The following PWP1 variants were observed in gnomAD, a reference collection of about 807,000 sequenced individuals.
PWP1 encodes PWP1 homolog, endonuclein.
Under a neutral mutation model 69.9 loss-of-function variants are expected in PWP1, and 47 were observed. The observed-to-expected ratio is 0.67, with a 90% CI of 0.53 to 0.86. The LOEUF (loss-of-function observed/expected upper bound fraction) is 0.86. Among genes scored for constraint, PWP1 ranks in the 40% least tolerant of loss-of-function variants. PWP1 has a pLI of 0.00. For missense variants in PWP1, 551 were observed against 608.8 expected (o/e 0.91, Z 1.00); for synonymous variants, 222 against 208.2 (o/e 1.07, Z -0.57).
intron 11 of PWP1, among the ~76,000 whole-genome samples, chr12:107,708,106 C>A (rs1889864137): frequency 6.6e-6 from 1 of 152,186 alleles, no homozygotes; most frequent in Non-Finnish European, 1.5e-5. Flanking sequence ...TCCAGTTGTA[C>A]TTGAATGTTG....
intron 14 of PWP1, 129 bp from the exon 15 acceptor site, chr12:107,711,982 C>CTTCTGA: frequency 6.1e-6 from 4 of 657,878 alleles, no homozygotes; most frequent in Non-Finnish European, 1.0e-5. Flanking sequence ...TTAACTTGGA[C>CTTCTGA]TTCTGAGTTG....
chr12:107,703,651 C>G, intron 9 of PWP1, 34 bp from the exon 10 acceptor site: 1 of 1,554,338 alleles, frequency 6.4e-7, no homozygotes. Context: ...AGCAAACCAA[C>G]AGAGATCTCT....
chr12:107,706,214 T>C lies in PWP1; in HGVS notation c.1077+1467T>C, dbSNP rs1296171936. Reference sequence around the variant, plus strand: ...ATGTCTTCTTTTGAGAAGTGTCTATTCATATCCTTCGCCCACTTTTTGATG... The same window carrying C: ...ATGTCTTCTTTTGAGAAGTGTCTATCCATATCCTTCGCCCACTTTTTGATG... On this transcript the variant is annotated intron_variant, in intron 11 of 14. Transcript: ENST00000412830. 2.0e-5 allele frequency among the ~76,000 whole-genome samples: 3 copies of C among 152,378 alleles called. No homozygotes were observed. The East Asian group carries it at 5.8e-4, about 29-fold the overall frequency.
intron 9 of PWP1, among the ~76,000 whole-genome samples, chr12:107,703,438 T>C (rs1889753054): frequency 6.6e-6 from 1 of 152,244 alleles, no homozygotes; most frequent in African/African-American, 2.4e-5. Context: ...GAGTATCTTC[T>C]AACATTTGAG....
At chr12:107,692,660 T>C in intron 3 of PWP1, 154 bp from the exon 4 acceptor site, 1 of 631,360 alleles carries the variant, frequency 1.6e-6, no homozygotes, top group South Asian at 2.3e-5. Context: ...AAATTCCTGC[T>C]GCTGCTTACG....
chr12:107,687,759 C>T (rs150277608), intron 1 of PWP1, among the ~76,000 whole-genome samples: 2,368 of 152,032 alleles, frequency 0.016, 29 homozygotes, highest in Non-Finnish European at 0.024. Context: ...AGGCCGGGCA[C>T]GGTGGCTCAC....
rs535227391 is a variant in PWP1, at chr12:107,693,410, C to T, written c.502+314C>T. Among the ~76,000 whole-genome samples the T allele has an allele frequency of 1.1e-3, 167 of 152,024 alleles. 1 individual carries two copies. Among genetic ancestry groups the T allele is most frequent in the Middle Eastern group, 3.4e-3 (1 of 294 alleles). On this transcript the variant is annotated intron_variant, in intron 5 of 14. Transcript: ENST00000412830. ...AGGCTGTCTCGAACTCCTGGGCTGA[C>T]GTAATCCTGATTTGGCCTCCCAAAG...
At chr12:107,696,115 C>T (rs933989462) in intron 5 of PWP1, among the ~76,000 whole-genome samples, 4 of 145,466 alleles carry the variant, frequency 2.7e-5, no homozygotes, top group Non-Finnish European at 4.5e-5. Context: ...TCACTGCAAC[C>T]TCCACCTCCC....
intron 3 of PWP1, among the ~76,000 whole-genome samples, chr12:107,692,425 T>C (rs1328869878): frequency 6.6e-6 from 1 of 152,260 alleles, no homozygotes; most frequent in Non-Finnish European, 1.5e-5. Flanking sequence ...CCTTATTTAT[T>C]ATGTTGATTT....
rs919119384 is a variant in PWP1, at chr12:107,686,089, T to G, written c.72+118T>G. On this transcript the variant is annotated intron_variant, in intron 1 of 14. Coordinates refer to ENST00000412830, the MANE Select transcript of PWP1 (RefSeq NM_007062.3). ...CGTTGGCTGGTGCGACTGGCTGGGG[T>G]GAGGGCGGCTTTGCCCGGATTGTCG... 6.5e-5 allele frequency: 73 copies of G among 1,117,988 alleles called. No individual in the cohort carries two copies. In the African/African-American group the frequency reaches 1.1e-3, roughly 16 times the overall value. The allele number at this position is 1,117,988 out of a possible 1,614,324, so 69.3% of individuals were successfully genotyped here. A position where few individuals can be genotyped will look rare whatever the true frequency, so the allele number is the denominator to read the frequency against.
intron 14 of PWP1, 42 bp downstream of exon 14, chr12:107,710,552 TAAAA>T (rs35371581): frequency 2.9e-3 from 3,297 of 1,152,926 alleles, no homozygotes; most frequent in East Asian, 0.014. Context: ...CCTGCCCCTG[TAAAA>T]AAAAAAAAAA....
intron 6 of PWP1, among the ~76,000 whole-genome samples, chr12:107,697,172 C>T (rs1170996249): frequency 6.6e-6 from 1 of 152,096 alleles, no homozygotes; most frequent in African/African-American, 2.4e-5. Context: ...GGGTTATTCT[C>T]GTTATATAAA....
chr12:107,695,045 G>A (rs1225868230), intron 5 of PWP1, among the ~76,000 whole-genome samples: 2 of 151,466 alleles, frequency 1.3e-5, no homozygotes, highest in African/African-American at 4.9e-5. Flanking sequence ...CACGAGTTCA[G>A]GAGATCGAGA....
intron 11 of PWP1, among the ~76,000 whole-genome samples, chr12:107,707,034 A>C (rs910558513): frequency 1.3e-5 from 2 of 152,178 alleles, no homozygotes; most frequent in African/African-American, 4.8e-5. Context: ...ATCCATGAGC[A>C]TGGAATGTTC....
At chr12:107,709,086 A>G in intron 12 of PWP1, 25 bp from the exon 13 acceptor site, 1 of 1,613,826 alleles carries the variant, frequency 6.2e-7, no homozygotes, top group Non-Finnish European at 8.5e-7. Flanking sequence ...TCAAAGCGAA[A>G]GTGTCTAAAC....
chr12:107,695,099 C>T (rs137862280), intron 5 of PWP1, among the ~76,000 whole-genome samples: 2 of 118,808 alleles, frequency 1.7e-5, no homozygotes, highest in South Asian at 5.2e-4. Context: ...ACTAAAAATA[C>T]AAAAAAAAAA....
Position 107,699,378 on chromosome 12 carries a change from C to T in PWP1, c.750C>T (p.Ser250=), listed in dbSNP as rs747702379. The T allele has an allele frequency of 5.0e-6, 8 of 1,611,602 alleles. No individual in the cohort carries two copies. The highest frequency in any genetic ancestry group is 6.8e-6 in the Non-Finnish European group (8 of 1,178,322). Reference sequence around the variant, plus strand: ...AATTAAAACAATTATTACAGAGTTCCTCAGCAGAAGGGCATACCGATGCTG... The same window carrying T: ...AATTAAAACAATTATTACAGAGTTCTTCAGCAGAAGGGCATACCGATGCTG... The part of the protein sequence containing the change: ...KKKKKKGKKS[S]SAEGHTDAVL... Residue 250 remains serine (S), a synonymous_variant, in exon 8 of 15, where the codon TCC becomes TCT. Transcript: ENST00000412830.
At chr12:107,698,347 ACT>A (rs1283457124) in intron 7 of PWP1, among the ~76,000 whole-genome samples, 1 of 151,460 alleles carries the variant, frequency 6.6e-6, no homozygotes, top group East Asian at 1.9e-4. Flanking sequence ...ACAGAGCGAG[ACT>A]CTGTCTCAAG....
At chr12:107,698,870 G>C in intron 7 of PWP1, among the ~76,000 whole-genome samples, 1 of 152,254 alleles carries the variant, frequency 6.6e-6, no homozygotes, top group East Asian at 1.9e-4. Context: ...TGGGATTACA[G>C]TGTGGGCCGC....
Sources: allele counts gnomAD v4.1 joint callset (sites outside exome capture counted in the v4.1 genomes callset), GRCh38; gene constraint gnomAD v4.1.1; transcripts MANE v1.5; gene names NCBI Gene and HGNC (gene_info 2026-07-23, HGNC 2026-07-21).